The following MYT1L variants were observed in gnomAD, a reference collection of about 807,000 sequenced individuals.
The protein encoded by MYT1L is myelin transcription factor 1 like.
Under a neutral mutation model 126.7 loss-of-function variants are expected in MYT1L, and 12 were observed. The observed-to-expected ratio is 0.09, with a 90% CI of 0.06 to 0.15. The LOEUF is 0.15. MYT1L is among the 10% of genes least tolerant of loss of function. The pLI is 1.00. For missense variants in MYT1L, 979 were observed against 1,585.2 expected (o/e 0.62, Z 6.49); for synonymous variants, 541 against 604.2 (o/e 0.90, Z 1.53).
intron 9 of MYT1L, among the ~76,000 whole-genome samples, chr2:1,923,963 C>T (rs1334342196): frequency 6.6e-6 from 1 of 152,152 alleles, no homozygotes; most frequent in Non-Finnish European, 1.5e-5. Context: ...TGTGTCTCCA[C>T]AGGTTTGAAA....
At chr2:1,938,597 A>G (rs1292153567) in intron 9 of MYT1L, among the ~76,000 whole-genome samples, 1 of 152,218 alleles carries the variant, frequency 6.6e-6, no homozygotes, top group Non-Finnish European at 1.5e-5. Context: ...GGTGATCAGG[A>G]GAACACGAGT....
At chr2:2,244,804 A>G (rs2094502538) in intron 2 of MYT1L, among the ~76,000 whole-genome samples, 1 of 152,358 alleles carries the variant, frequency 6.6e-6, no homozygotes, top group African/African-American at 2.4e-5. Context: ...TGCTCCAGCC[A>G]GCAGTCCAGG....
chr2:2,003,459 C>T (rs1558690619), intron 4 of MYT1L, among the ~76,000 whole-genome samples: 1 of 152,178 alleles, frequency 6.6e-6, no homozygotes, highest in African/African-American at 2.4e-5. Context: ...TCCTCTCAGC[C>T]TCCCAGTGCC....
At chr2:1,843,452 T>C (rs888129343) in intron 19 of MYT1L, among the ~76,000 whole-genome samples, 1 of 151,424 alleles carries the variant, frequency 6.6e-6, no homozygotes, top group Non-Finnish European at 1.5e-5. Flanking sequence ...AGAATTACTA[T>C]GATGTCCTAC....
intron 1 of MYT1L, among the ~76,000 whole-genome samples, chr2:2,307,749 ACTCT>A (rs149710763): frequency 0.012 from 1,872 of 150,022 alleles, 42 homozygotes; most frequent in African/African-American, 0.043. Flanking sequence ...ACACTTCAGT[ACTCT>A]CTCTATATTC....
intron 2 of MYT1L, among the ~76,000 whole-genome samples, chr2:2,266,686 A>G (rs910252959): frequency 6.6e-6 from 1 of 152,150 alleles, no homozygotes; most frequent in Non-Finnish European, 1.5e-5. Context: ...TAGCTCCCAT[A>G]ACTCCCACAT....
intron 3 of MYT1L, among the ~76,000 whole-genome samples, chr2:2,155,807 C>T (rs955925005): frequency 7.9e-5 from 12 of 152,186 alleles, no homozygotes; most frequent in East Asian, 1.9e-4. Context: ...TCTTTCACCA[C>T]GGAGCCATCA....
At chr2:2,173,817 G>A (rs1559225906) in intron 2 of MYT1L, among the ~76,000 whole-genome samples, 5 of 152,296 alleles carry the variant, frequency 3.3e-5, no homozygotes, top group African/African-American at 7.2e-5. Flanking sequence ...TCAGGAGAAC[G>A]AAGAGACCCT....
chr2:2,047,036 AAATTT>A (rs1297374999), intron 4 of MYT1L, among the ~76,000 whole-genome samples: 3 of 152,188 alleles, frequency 2.0e-5, no homozygotes, highest in African/African-American at 4.8e-5. Context: ...TTTATTTGTT[AAATTT>A]AATATGCTAA....
intron 4 of MYT1L, among the ~76,000 whole-genome samples, chr2:2,029,352 G>C (rs1224007800): frequency 6.6e-6 from 1 of 152,184 alleles, no homozygotes; most frequent in East Asian, 1.9e-4. Flanking sequence ...ACATGGCTGG[G>C]GAGGCCTCAC....
At chr2:1,967,866 G>A (rs2059494675) in intron 8 of MYT1L, among the ~76,000 whole-genome samples, 1 of 152,180 alleles carries the variant, frequency 6.6e-6, no homozygotes, top group African/African-American at 2.4e-5. Context: ...TCCTGCAGGG[G>A]AGGGCAGGAG....
chr2:1,840,494 C>A (rs1407452087), intron 20 of MYT1L, among the ~76,000 whole-genome samples: 1 of 152,074 alleles, frequency 6.6e-6, no homozygotes, highest in Non-Finnish European at 1.5e-5. Context: ...AGAGGGAAGG[C>A]TTGTTTTTGG....
At chr2:1,817,616 A>C (rs1332267648) in intron 21 of MYT1L, among the ~76,000 whole-genome samples, 1 of 152,180 alleles carries the variant, frequency 6.6e-6, no homozygotes, top group African/African-American at 2.4e-5. Flanking sequence ...GCTCAGGTCC[A>C]ATTTGGAAGA....
intron 1 of MYT1L, among the ~76,000 whole-genome samples, chr2:2,286,270 C>T (rs1290382037): frequency 6.6e-6 from 1 of 152,110 alleles, no homozygotes; most frequent in South Asian, 2.1e-4. Flanking sequence ...CATGGGATTA[C>T]CACACCCGGC....
At chr2:1,896,774 G>T (rs551510265) in intron 14 of MYT1L, among the ~76,000 whole-genome samples, 1 of 151,872 alleles carries the variant, frequency 6.6e-6, no homozygotes, top group East Asian at 1.9e-4. Flanking sequence ...ACATGCACAG[G>T]TACCCTCTGT....
intron 2 of MYT1L, among the ~76,000 whole-genome samples, chr2:2,272,220 G>T (rs577569151): frequency 6.6e-6 from 1 of 151,988 alleles, no homozygotes; most frequent in Non-Finnish European, 1.5e-5. Context: ...AGTCAAAGAC[G>T]ACAGGCACCC....
intron 13 of MYT1L, among the ~76,000 whole-genome samples, chr2:1,909,848 T>C (rs1280746768): frequency 6.6e-6 from 1 of 152,118 alleles, no homozygotes; most frequent in Non-Finnish European, 1.5e-5. Context: ...GTCAGAAACA[T>C]CAGCACCAGC....
At chr2:2,001,684 GT>G (rs1315082024) in intron 4 of MYT1L, among the ~76,000 whole-genome samples, 1 of 152,198 alleles carries the variant, frequency 6.6e-6, no homozygotes, top group Non-Finnish European at 1.5e-5. Flanking sequence ...TGATGAGTAA[GT>G]TGGGAAAGGA....
chr2:1,895,227 A>T (rs1337611984), intron 14 of MYT1L, among the ~76,000 whole-genome samples: 2 of 152,214 alleles, frequency 1.3e-5, no homozygotes, highest in African/African-American at 2.4e-5. Context: ...AAATGGAAAA[A>T]TGTCTCATGT....
Sources: gnomAD v4.1 joint callset for allele counts (sites outside exome capture counted in the v4.1 genomes callset) on GRCh38, gnomAD v4.1.1 for gene constraint, MANE v1.5 for transcripts, NCBI Gene and HGNC (gene_info 2026-07-23, HGNC 2026-07-21) for gene names.